Variants in MYH10 observed in about 807,000 individuals in gnomAD.
MYH10 encodes the protein myosin-10.
In MYH10, 55 loss-of-function variants were observed where a neutral mutation model predicts 257.8. The ratio of observed to expected loss-of-function variants is 0.21; its 90% confidence interval spans 0.17 to 0.27. The LOEUF (loss-of-function observed/expected upper bound fraction) is 0.27, where lower values mean the gene tolerates loss of function less well. Among genes scored for constraint, MYH10 ranks in the 10% least tolerant of loss-of-function variants. The probability of loss-of-function intolerance (pLI) is 1.00; values close to 1 mark genes in which losing one functional copy is unlikely to be tolerated. For missense variants in MYH10, 1,631 were observed against 2,500.6 expected (o/e 0.65, Z 7.42); for synonymous variants, 854 against 921.7 (o/e 0.93, Z 1.33).
Position 8,493,873 on chromosome 17 carries a change from C to T in MYH10, c.4069G>A (p.Glu1357Lys). Residue 1357 changes from glutamate (E) to lysine (K), a missense_variant, in exon 32 of 43, where the codon GAG becomes AAG. Physicochemically the swap from Glu to Lys is moderately conservative, Grantham distance 56 (BLOSUM62 1). Transcript: ENST00000360416. The part of the protein sequence containing the change: ...QLQDTQELLQ[E>K]ETRQKLNLSS... ...AGGTTTAGTTTCTGGCGTGTCTCCT[C>T]CTGAAGAAGCTCCTGTGTTTTTTTT... 1 of 1,599,160 alleles carries T rather than the reference C, an allele frequency of 6.3e-7. No homozygotes were observed. Among genetic ancestry groups the T allele is most frequent in the Non-Finnish European group, 8.5e-7 (1 of 1,175,516 alleles).
intron 7 of MYH10, among the ~76,000 whole-genome samples, chr17:8,564,403 A>G (rs1039492735): frequency 6.6e-6 from 1 of 152,186 alleles, no homozygotes; most frequent in Non-Finnish European, 1.5e-5. Context: ...TCTTGGTATG[A>G]CATTGATCTC....
At chr17:8,604,220 T>C (rs1188671073) in intron 3 of MYH10, among the ~76,000 whole-genome samples, 1 of 152,196 alleles carries the variant, frequency 6.6e-6, no homozygotes, top group African/African-American at 2.4e-5. Flanking sequence ...CATGTTTAAA[T>C]GAAGTCTTGT....
At chr17:8,494,088 T>C (rs1205262077) in intron 31 of MYH10, among the ~76,000 whole-genome samples, 1 of 152,132 alleles carries the variant, frequency 6.6e-6, no homozygotes, top group African/African-American at 2.4e-5. Context: ...CAGACTCATC[T>C]CTGAAAAACG....
intron 37 of MYH10, 27 bp downstream of exon 37, chr17:8,484,107 TGTTG>T: frequency 6.9e-7 from 1 of 1,454,644 alleles, no homozygotes; most frequent in Non-Finnish European, 9.0e-7. Flanking sequence ...CAAATATATT[TGTTG>T]AACAAATGGA....
chr17:8,519,337 CAGGA>C (rs1351302157), intron 19 of MYH10, among the ~76,000 whole-genome samples: 1 of 152,122 alleles, frequency 6.6e-6, no homozygotes, highest in Non-Finnish European at 1.5e-5. Flanking sequence ...TATTAGATAA[CAGGA>C]AGGGCTGTAA....
chr17:8,488,805 G>A (rs768627818), intron 35 of MYH10, among the ~76,000 whole-genome samples: 2 of 152,102 alleles, frequency 1.3e-5, no homozygotes, highest in Non-Finnish European at 2.9e-5. Flanking sequence ...TGCTTGCTGT[G>A]TTCTGCAGAG....
chr17:8,495,087 A>G, intron 31 of MYH10, 50 bp downstream of exon 31: 1 of 1,120,926 alleles, frequency 8.9e-7, no homozygotes, highest in Non-Finnish European at 1.4e-6. Flanking sequence ...CAGCTTATAT[A>G]TTACAGAAAT....
In MYH10 at chr17:8,513,711, G is replaced by C. The variant is rs747057218; in HGVS notation, c.2614-42C>G. 3 of 1,608,188 alleles carry C rather than the reference G, an allele frequency of 1.9e-6. No individual in the cohort carries two copies. In the East Asian group the frequency reaches 6.7e-5, roughly 36 times the overall value. On this transcript the variant is annotated intron_variant, in intron 22 of 42. Transcript: ENST00000360416. ...CAGTTTTTTTTTTTTTATCATTCCA[G>C]CTCTTTCCTATGGGTTTTTCCTGAT...
rs192900876 is a variant in MYH10, at chr17:8,598,075, G to A, written c.502+6751C>T. Among the ~76,000 whole-genome samples the A allele has an allele frequency of 5.9e-5, 9 of 152,198 alleles. No individual in the cohort carries two copies. In the East Asian group the frequency reaches 1.5e-3, roughly 26 times the overall value. On this transcript the variant is annotated intron_variant, in intron 3 of 42. Coordinates refer to ENST00000360416, the MANE Select transcript of MYH10 (RefSeq NM_001256012.3). ...CAGCTCACTGCAAGCTCTGCCTCCC[G>A]GGTTCAGGCCATTCTCCTGCCTCAG...
chr17:8,510,036 A>C, intron 24 of MYH10, 87 bp from the exon 25 acceptor site: 1 of 1,251,582 alleles, frequency 8.0e-7, no homozygotes, highest in Non-Finnish European at 1.0e-6. Context: ...ACAATGAGAT[A>C]CTAATTTTTT....
Position 8,485,633 on chromosome 17 carries a change from G to T in MYH10, c.5047-1367C>A, listed in dbSNP as rs61573028. On this transcript the variant is annotated intron_variant, in intron 36 of 42. Coordinates refer to ENST00000360416, the MANE Select transcript of MYH10 (RefSeq NM_001256012.3). ...ATAAAAATAAAAGCCACAATGAAAT[G>T]TCACTTCACACCCACTAAGATGGTT... is the stretch of plus-strand genomic sequence containing the variant. Among the ~76,000 whole-genome samples the T allele has an allele frequency of 2.6e-5, 4 of 152,260 alleles. No individual in the cohort carries two copies. The East Asian group carries it at 7.7e-4, about 29-fold the overall frequency.
intron 26 of MYH10, among the ~76,000 whole-genome samples, chr17:8,508,092 T>C (rs1357562255): frequency 1.3e-5 from 2 of 152,220 alleles, no homozygotes; most frequent in Non-Finnish European, 2.9e-5. Flanking sequence ...TTACCCAGGC[T>C]GTAGTGCGGT....
chr17:8,578,441 G>C (rs1287862028), intron 4 of MYH10, among the ~76,000 whole-genome samples: 1 of 151,700 alleles, frequency 6.6e-6, no homozygotes, highest in Non-Finnish European at 1.5e-5. Context: ...ACAGGGTCTA[G>C]CCATGTTGGC....
chr17:8,615,249 G>T (rs1055801910), intron 2 of MYH10, among the ~76,000 whole-genome samples: 4 of 151,890 alleles, frequency 2.6e-5, no homozygotes, highest in Non-Finnish European at 4.4e-5. Context: ...GTGCAATCCA[G>T]CCTGGGTGAC....
chr17:8,501,856 A>T (rs761126946), intron 28 of MYH10, among the ~76,000 whole-genome samples: 9 of 152,322 alleles, frequency 5.9e-5, no homozygotes, highest in African/African-American at 1.7e-4. Flanking sequence ...TAATATTTTT[A>T]AAATTGGCTG....
Position 8,545,965 on chromosome 17 carries a change from A to C in MYH10, c.1279-365T>G, listed in dbSNP as rs1301299275. ...GCCCTTGTGTTGGTCTGGTTCCCGAAGTATGCAGATTTGTCTACTGGATTA... is the reference window on the plus strand; with the variant it reads ...GCCCTTGTGTTGGTCTGGTTCCCGACGTATGCAGATTTGTCTACTGGATTA... On this transcript the variant is annotated intron_variant, in intron 12 of 42. Transcript: ENST00000360416. The surrounding 1 kb of genome is among the most constrained non-coding windows in gnomAD (Gnocchi z 4.7). Among the ~76,000 whole-genome samples, 2 of 152,204 alleles carry C rather than the reference A, an allele frequency of 1.3e-5. No homozygotes were observed. Among genetic ancestry groups the C allele is most frequent in the Non-Finnish European group, 2.9e-5 (2 of 68,038 alleles).
intron 2 of MYH10, among the ~76,000 whole-genome samples, chr17:8,612,319 G>A (rs112401248): frequency 0.012 from 1,780 of 152,200 alleles, 10 homozygotes; most frequent in Non-Finnish European, 0.017. Context: ...ACTTAATAAC[G>A]ATAAAATCAT....
intron 17 of MYH10, among the ~76,000 whole-genome samples, chr17:8,528,376 G>C (rs2081915473): frequency 1.3e-5 from 2 of 151,944 alleles, no homozygotes; most frequent in Admixed American, 6.6e-5. Flanking sequence ...TTCCACTACT[G>C]GTTTATCTCT....
chr17:8,591,017 C>T lies in MYH10; in HGVS notation c.503-1909G>A, dbSNP rs139877502. Among the ~76,000 whole-genome samples, 382 of 151,052 alleles carry T rather than the reference C, an allele frequency of 2.5e-3. 17 individuals are homozygous for T. In the East Asian group the frequency reaches 0.064, roughly 25 times the overall value. On this transcript the variant is annotated intron_variant, in intron 3 of 42. Transcript: ENST00000360416. Reference sequence around the variant, plus strand: ...TCTCCTGAGTAGCTGGGACTACAGGCGCCCGCCACCACGCCCGGCTAATTT... The same window carrying T: ...TCTCCTGAGTAGCTGGGACTACAGGTGCCCGCCACCACGCCCGGCTAATTT...
Sources: allele counts gnomAD v4.1 joint callset (sites outside exome capture counted in the v4.1 genomes callset), GRCh38; gene constraint gnomAD v4.1.1; non-coding constraint Gnocchi (gnomAD v3.1); transcripts MANE v1.5; gene names NCBI Gene and HGNC (gene_info 2026-07-23, HGNC 2026-07-21).